SLC25A43: variants seen among roughly 807,000 people sequenced by gnomAD.
The protein encoded by SLC25A43 is solute carrier family 25, member 43.
Under a neutral mutation model 22.8 loss-of-function variants are expected in SLC25A43, and 10 were observed. The ratio of observed to expected loss-of-function variants is 0.44; its 90% CI spans 0.27 to 0.74. SLC25A43 has a LOEUF of 0.74. Among genes scored for constraint, SLC25A43 ranks in the 30% least tolerant of loss-of-function variants. The probability of loss-of-function intolerance (pLI) is 0.17; values close to 1 mark genes in which losing one functional copy is unlikely to be tolerated. For synonymous variants in SLC25A43, 106 were observed against 121.6 expected (o/e 0.87, Z 0.84); for missense variants, 233 against 279.1 (o/e 0.83, Z 1.18).
At chrX:119,415,188 G>T (rs2052389253) in intron 3 of SLC25A43, among the ~76,000 whole-genome samples, 1 of 109,703 alleles carries the variant, frequency 9.1e-6, no homozygotes, top group Admixed American at 9.7e-5. Flanking sequence ...CTCCCAAAGT[G>T]CTGGGATTAC....
At chrX:119,400,161 A>G (rs2052224505) in intron 1 of SLC25A43, among the ~76,000 whole-genome samples, 2 of 110,236 alleles carry the variant, frequency 1.8e-5, no homozygotes, top group South Asian at 7.9e-4. Flanking sequence ...GACCCGATCC[A>G]TCGATACGAA....
chrX:119,449,838 C>G (rs1385634371), intron 3 of SLC25A43, among the ~76,000 whole-genome samples: 4 of 111,814 alleles, frequency 3.6e-5, no homozygotes, highest in South Asian at 3.8e-4. Context: ...ATGGTGGTAG[C>G]CTGAATTATG....
chrX:119,447,387 C>G (rs752540183), intron 3 of SLC25A43, among the ~76,000 whole-genome samples: 1 of 111,483 alleles, frequency 9.0e-6, no homozygotes, highest in Non-Finnish European at 1.9e-5. Context: ...TTCACTGCAG[C>G]CTCAACCTCA....
chrX:119,407,250 C>T (rs748109415), intron 2 of SLC25A43, among the ~76,000 whole-genome samples: 13 of 111,352 alleles, frequency 1.2e-4, no homozygotes, highest in Non-Finnish European at 1.7e-4. Context: ...CTGACTTATC[C>T]GGCCCATCTG....
At chrX:119,441,327 C>T (rs1033260691) in intron 3 of SLC25A43, among the ~76,000 whole-genome samples, 3 of 83,527 alleles carry the variant, frequency 3.6e-5, no homozygotes, top group Non-Finnish European at 7.0e-5. Flanking sequence ...CCTGCTTCGG[C>T]TCGCGCACGG....
intron 3 of SLC25A43, among the ~76,000 whole-genome samples, chrX:119,421,907 A>G (rs142697114): frequency 0.023 from 2,547 of 111,225 alleles, 34 homozygotes; most frequent in Middle Eastern, 0.093. Flanking sequence ...TTGTGGGTGA[A>G]TACCACCCAC....
At chrX:119,431,274 T>C (rs1016112512) in intron 3 of SLC25A43, among the ~76,000 whole-genome samples, 3 of 111,700 alleles carry the variant, frequency 2.7e-5, no homozygotes, top group African/African-American at 9.8e-5. Flanking sequence ...TCCCAGCACT[T>C]TGGGAGGCCG....
At chrX:119,433,605 A>C (rs752734219) in intron 3 of SLC25A43, among the ~76,000 whole-genome samples, 1 of 112,297 alleles carries the variant, frequency 8.9e-6, no homozygotes, top group South Asian at 3.7e-4. Context: ...TTTTCTTCTC[A>C]AAATGTTTTC....
At chrX:119,444,422 G>T (rs1427397658) in intron 3 of SLC25A43, among the ~76,000 whole-genome samples, 1 of 111,420 alleles carries the variant, frequency 9.0e-6, no homozygotes, top group East Asian at 2.8e-4. Context: ...TAAAGAAATT[G>T]AGGCCAGGCG....
chrX:119,425,768 T>C (rs1188323004), intron 3 of SLC25A43, among the ~76,000 whole-genome samples: 2 of 109,648 alleles, frequency 1.8e-5, no homozygotes, highest in African/African-American at 6.7e-5. Context: ...TCAAAAGGTA[T>C]AGAGTGCCCG....
intron 2 of SLC25A43, among the ~76,000 whole-genome samples, chrX:119,409,449 G>A (rs1275844893): frequency 4.7e-5 from 5 of 106,339 alleles, no homozygotes; most frequent in African/African-American, 6.9e-5. Flanking sequence ...CAAGTGATCC[G>A]CCCACCTCGG....
At chrX:119,421,111 CAAAAAAAAAAAAAAAAAAAAA>C (rs55775067) in intron 3 of SLC25A43, among the ~76,000 whole-genome samples, 1 of 50,395 alleles carries the variant, frequency 2.0e-5, no homozygotes, top group Non-Finnish European at 3.6e-5. Context: ...AACTTCATCT[CAAAAAAAAAAAAAAAAAAAAA>C]AAAAAAAAGC....
chrX:119,402,253 A>G (rs1316174964), intron 1 of SLC25A43, among the ~76,000 whole-genome samples: 1 of 111,968 alleles, frequency 8.9e-6, no homozygotes. Context: ...CACAAATGCA[A>G]TTAATGGAAG....
intron 1 of SLC25A43, among the ~76,000 whole-genome samples, chrX:119,404,314 T>C (rs1439451308): frequency 8.9e-6 from 1 of 112,006 alleles, no homozygotes; most frequent in South Asian, 3.8e-4. Flanking sequence ...CCTCCAGAAC[T>C]TCTGACCAAC....
At chrX:119,427,137 C>A (rs139037852) in intron 3 of SLC25A43, among the ~76,000 whole-genome samples, 325 of 110,758 alleles carry the variant, frequency 2.9e-3, no homozygotes, top group Non-Finnish European at 5.0e-3. Flanking sequence ...AAAGTTGGCA[C>A]GGCAGGCAGC....
intron 1 of SLC25A43, among the ~76,000 whole-genome samples, chrX:119,405,247 C>A (rs2052279704): frequency 9.0e-6 from 1 of 111,679 alleles, no homozygotes; most frequent in African/African-American, 3.3e-5. Context: ...GGTAGGTTGA[C>A]AAAATGAAGT....
chrX:119,404,927 G>A (rs929987518), intron 1 of SLC25A43, among the ~76,000 whole-genome samples: 1 of 112,339 alleles, frequency 8.9e-6, no homozygotes, highest in Non-Finnish European at 1.9e-5. Context: ...CCTGTGGGCT[G>A]TGGGTTGGAC....
chrX:119,410,706 T>G (rs1357619917), intron 3 of SLC25A43, among the ~76,000 whole-genome samples: 2 of 109,817 alleles, frequency 1.8e-5, no homozygotes, highest in African/African-American at 6.6e-5. Context: ...CTGGCCAACA[T>G]GGTGAAACCC....
intron 4 of SLC25A43, among the ~76,000 whole-genome samples, chrX:119,452,463 G>A (rs1348684195): frequency 2.9e-5 from 3 of 104,058 alleles, no homozygotes; most frequent in Non-Finnish European, 5.9e-5. Flanking sequence ...ATATGCATAT[G>A]TGCATCATAT....
Sources: allele counts gnomAD v4.1 joint callset (sites outside exome capture counted in the v4.1 genomes callset), GRCh38; gene constraint gnomAD v4.1.1; transcripts MANE v1.5; gene names NCBI Gene and HGNC (gene_info 2026-07-23, HGNC 2026-07-21).